NHSL1: variants seen among roughly 807,000 people sequenced by gnomAD.
The protein encoded by NHSL1 is NHS-like protein 1.
In NHSL1, 48 loss-of-function variants were observed where a neutral mutation model predicts 95.0. That is an observed-to-expected ratio of 0.51 (90% confidence interval 0.40 to 0.64). The LOEUF is 0.64. Ranked by LOEUF, NHSL1 falls within the 30% of genes least tolerant of loss-of-function variation. The probability of loss-of-function intolerance (pLI) is 0.00; values close to 1 mark genes in which losing one functional copy is unlikely to be tolerated. For synonymous variants in NHSL1, 783 were observed against 833.9 expected, an observed-to-expected ratio of 0.94 and a Z score of 1.05; for missense variants, 1,971 against 2,077.7, an observed-to-expected ratio of 0.95 and a Z score of 1.00.
At chr6:138,480,782 T>C (rs781015194) in intron 2 of NHSL1, among the ~76,000 whole-genome samples, 2 of 152,226 alleles carry the variant, frequency 1.3e-5, no homozygotes, top group Non-Finnish European at 2.9e-5. Context: ...AGTCCTATGA[T>C]GATCTAGAGT....
intron 1 of NHSL1, among the ~76,000 whole-genome samples, chr6:138,562,284 G>GA (rs745836521): frequency 2.6e-5 from 4 of 152,144 alleles, no homozygotes; most frequent in African/African-American, 4.8e-5. Context: ...CTATACATTG[G>GA]AAAAAATCAC....
intron 1 of NHSL1, among the ~76,000 whole-genome samples, chr6:138,497,769 C>T (rs943568883): frequency 2.6e-5 from 4 of 152,162 alleles, no homozygotes; most frequent in Non-Finnish European, 5.9e-5. Context: ...CACATGCTAG[C>T]GCTCATCTCA....
intron 1 of NHSL1, among the ~76,000 whole-genome samples, chr6:138,508,978 C>T (rs962719047): frequency 1.3e-5 from 2 of 152,138 alleles, no homozygotes; most frequent in African/African-American, 2.4e-5. Context: ...AAAGGCTATA[C>T]TAGGTATATA....
At chr6:138,524,270 C>T (rs1465397332) in intron 1 of NHSL1, among the ~76,000 whole-genome samples, 27 of 152,152 alleles carry the variant, frequency 1.8e-4, no homozygotes, top group Admixed American at 1.8e-3. Context: ...CAGAAAAGAG[C>T]ACAAATTATG....
At chr6:138,453,490 G>A (rs1777375830) in intron 3 of NHSL1, among the ~76,000 whole-genome samples, 1 of 151,596 alleles carries the variant, frequency 6.6e-6, no homozygotes, top group South Asian at 2.1e-4. Context: ...AAGTAGCTGG[G>A]AGTATGGATG....
chr6:138,498,407 C>T (rs1044143191), intron 1 of NHSL1, among the ~76,000 whole-genome samples: 8 of 152,180 alleles, frequency 5.3e-5, no homozygotes, highest in Non-Finnish European at 8.8e-5. Flanking sequence ...CATCCAAAGG[C>T]AGCCTTTAGC....
chr6:138,619,110 G>A (rs1784619553), intron 1 of NHSL1, among the ~76,000 whole-genome samples: 2 of 152,174 alleles, frequency 1.3e-5, no homozygotes, highest in Admixed American at 6.5e-5. Flanking sequence ...GGCCAAAGCA[G>A]GTGGATCACC....
At chr6:138,605,577 CCAG>C (rs1784422146) in intron 1 of NHSL1, among the ~76,000 whole-genome samples, 1 of 152,194 alleles carries the variant, frequency 6.6e-6, no homozygotes, top group African/African-American at 2.4e-5. Context: ...TGTTCTAGCT[CCAG>C]CTTCACTCAT....
chr6:138,499,548 G>T (rs548329090), upstream of NHSL1: 15 of 607,656 alleles, frequency 2.5e-5, no homozygotes, highest in African/African-American at 2.8e-4. Context: ...CAGTGACATC[G>T]TGCGCTGAAA....
At chr6:138,656,096 GAC>G (rs1785152993) in intron 1 of NHSL1, among the ~76,000 whole-genome samples, 2 of 152,190 alleles carry the variant, frequency 1.3e-5, no homozygotes, top group Admixed American at 1.3e-4. Flanking sequence ...ATGTGACAAA[GAC>G]ACAAACTGTG....
intron 1 of NHSL1, among the ~76,000 whole-genome samples, chr6:138,673,022 GATA>G (rs1785396719): frequency 2.4e-5 from 2 of 82,844 alleles, no homozygotes; most frequent in Non-Finnish European, 4.4e-5. Flanking sequence ...TAGATAGCTA[GATA>G]GATAGGTAGA....
At chr6:138,454,932 C>A (rs180934355) in intron 3 of NHSL1, among the ~76,000 whole-genome samples, 1 of 152,284 alleles carries the variant, frequency 6.6e-6, no homozygotes. Context: ...CAGAGATCAA[C>A]AAGATAGGGA....
intron 1 of NHSL1, among the ~76,000 whole-genome samples, chr6:138,645,562 C>T (rs1307084694): frequency 2.0e-5 from 3 of 148,438 alleles, no homozygotes; most frequent in African/African-American, 7.5e-5. Flanking sequence ...GGCTGGAGTG[C>T]AGCAGTGTGA....
At chr6:138,442,229 C>G (rs1222216505) in intron 4 of NHSL1, 115 bp from the exon 5 acceptor site, 2 of 1,088,388 alleles carry the variant, frequency 1.8e-6, no homozygotes, top group Admixed American at 3.4e-5. Flanking sequence ...TAATGTTAGC[C>G]AGTCATATGA....
intron 1 of NHSL1, among the ~76,000 whole-genome samples, chr6:138,538,541 A>AGTCACTGT (rs1447535969): frequency 6.6e-6 from 1 of 152,130 alleles, no homozygotes; most frequent in African/African-American, 2.4e-5. Flanking sequence ...CCACACATTA[A>AGTCACTGT]GTCACTGTTC....
rs1427285886 is a variant in NHSL1 at position 138,424,802 on chromosome 6, A to C, written c.4100T>G (p.Val1367Gly). The C allele has an allele frequency of 6.5e-7, 1 of 1,549,374 alleles. No individual in the cohort carries two copies. Among genetic ancestry groups the C allele is most frequent in the African/African-American group, 1.4e-5 (1 of 72,846 alleles). Residue 1367 changes from valine to glycine, a missense_variant, in exon 8 of 8, where the codon GTC becomes GGC. Around this residue, in one of 3 missense-constraint regions of NHSL1, gnomAD observed 146 missense variants for 206.3 expected, o/e 0.71. Coordinates refer to ENST00000343505, the MANE Select transcript of NHSL1 (RefSeq NM_001144060.2). The surrounding 1 kb of genome is among the most constrained non-coding windows in gnomAD (Gnocchi z 5.9). ...FAAIHRSKRK[V>G]LGRRDSDDDH... ...ATCATCTGAATCTCTACGGCCGAGGACTTTCCTTTTGGATCTGAGATTTAA... is the reference window on the plus strand; with the variant it reads ...ATCATCTGAATCTCTACGGCCGAGGCCTTTCCTTTTGGATCTGAGATTTAA...
intron 2 of NHSL1, among the ~76,000 whole-genome samples, chr6:138,487,081 C>A (rs1355014418): frequency 6.6e-6 from 1 of 152,094 alleles, no homozygotes; most frequent in Non-Finnish European, 1.5e-5. Context: ...GACAAGCTAG[C>A]ATTCCAACTG....
intron 3 of NHSL1, among the ~76,000 whole-genome samples, chr6:138,451,098 T>C (rs1178960266): frequency 6.6e-6 from 1 of 152,180 alleles, no homozygotes; most frequent in Non-Finnish European, 1.5e-5. Flanking sequence ...TCCAAAGTCC[T>C]TACTATGACC....
Position 138,432,442 on chromosome 6 carries a change from T to C in NHSL1, c.1903A>G (p.Ser635Gly), listed in dbSNP as rs1450529316. The C allele has an allele frequency of 1.3e-6, 2 of 1,552,392 alleles. No individual in the cohort carries two copies. Among genetic ancestry groups the C allele is most frequent in the Non-Finnish European group, 1.7e-6 (2 of 1,147,138 alleles). The stretch of plus-strand genomic sequence containing the variant: ...CTTCCAACAAAAACATTGATCACGC[T>C]GTGCCTGGGGTTCCCAAAGCCATCA... ...SSDGFGNPRHSVINVFVGRAQ... is the reference protein window; with the variant it reads ...SSDGFGNPRHGVINVFVGRAQ... The change falls in exon 6 of 8, where the codon AGC (serine) becomes GGC (glycine). Residue 635 changes from serine to glycine, a missense_variant. By Grantham distance (56) the Ser-to-Gly change is moderately conservative (BLOSUM62 0). Coordinates refer to ENST00000343505, the MANE Select transcript of NHSL1 (RefSeq NM_001144060.2). The surrounding 1 kb of genome is among the most constrained non-coding windows in gnomAD (Gnocchi z 4.4).
Sources: allele counts gnomAD v4.1 joint callset (sites outside exome capture counted in the v4.1 genomes callset), GRCh38; gene constraint gnomAD v4.1.1; regional missense constraint gnomAD v4.1.1; non-coding constraint Gnocchi (gnomAD v3.1); transcripts MANE v1.5; gene names NCBI Gene and HGNC (gene_info 2026-07-23, HGNC 2026-07-21).